The following TRMT6 variants were observed in gnomAD, a reference collection of about 807,000 sequenced individuals.
TRMT6 encodes the protein tRNA (adenine(58)-N(1))-methyltransferase non-catalytic subunit TRM6.
A neutral mutation model predicts 59.0 loss-of-function variants in TRMT6; 34 were observed. The ratio of observed to expected loss-of-function variants is 0.58; its 90% CI spans 0.44 to 0.77. The LOEUF is 0.77. Among genes scored for constraint, TRMT6 ranks in the 30% least tolerant of loss-of-function variants. The pLI, the probability that TRMT6 is intolerant of heterozygous loss-of-function variation, is 0.00. For missense variants in TRMT6, 575 were observed against 604.5 expected, an observed-to-expected ratio of 0.95 and a Z score of 0.51; for synonymous variants, 217 against 210.5, an observed-to-expected ratio of 1.03 and a Z score of -0.27.
chr20:5,947,061 G>C (rs117305768), intron 1 of TRMT6, among the ~76,000 whole-genome samples: 7 of 152,180 alleles, frequency 4.6e-5, no homozygotes, highest in South Asian at 4.1e-4. Context: ...CAGTGTGTGC[G>C]AGGTGTGATT....
Position 5,944,842 on chromosome 20 carries a change from T to A in TRMT6, c.329A>T (p.Asp110Val). The part of the protein sequence containing the change: ...DGKSQKLTQD[D>V]IKALKDKGIK... ...GCCCTTGTCCTTCAAAGCTTTTATG[T>A]CATCTTGAGTAAGTTTCTGAGATTT... Residue 110 changes from aspartate (D) to valine (V), a missense_variant, in exon 3 of 11, where the codon GAC (aspartate) becomes GTC (valine). Transcript: ENST00000203001. 1 of 1,614,058 alleles carries A rather than the reference T, an allele frequency of 6.2e-7. No individual in the cohort carries two copies. The highest frequency in any genetic ancestry group is 8.5e-7 in the Non-Finnish European group (1 of 1,179,914).
At chr20:5,948,597 T>G (rs1360045114) in intron 1 of TRMT6, among the ~76,000 whole-genome samples, 1 of 151,946 alleles carries the variant, frequency 6.6e-6, no homozygotes, top group East Asian at 1.9e-4. Flanking sequence ...CCCAGCACTT[T>G]GGGAGGCTGA....
rs1321698302 is a variant in TRMT6 at position 5,937,954 on chromosome 20, T to C, written c.*581A>G. 6.6e-6 allele frequency: 1 copy of C among 152,190 alleles called. No individual in the cohort carries two copies. Among genetic ancestry groups the C allele is most frequent in the Non-Finnish European group, 1.5e-5 (1 of 68,034 alleles). 9.4% of individuals were successfully genotyped at this position (152,190 alleles called of 1,614,324 possible). On this transcript the variant is annotated 3_prime_UTR_variant, in exon 11 of 11. Transcript: ENST00000203001. ...AAAAGTACCCTACTAAACCTTTCTA[T>C]GCACAAAAAAGAGCAGTAAAATAAA...
At position 5,938,638 on chromosome 20, in the gene TRMT6, A is replaced by T; in HGVS notation, c.1391T>A (p.Leu464His). The T allele has an allele frequency of 1.2e-6, 2 of 1,614,216 alleles. No individual in the cohort carries two copies. The highest frequency in any genetic ancestry group is 1.7e-6 in the Non-Finnish European group (2 of 1,180,034). The change falls in exon 11 of 11, where the codon CTT (leucine) becomes CAT (histidine). Residue 464 changes from leucine (L) to histidine (H), a missense_variant. Coordinates refer to ENST00000203001, the MANE Select transcript of TRMT6 (RefSeq NM_015939.5). Reference sequence around the variant, plus strand: ...AGATTTGAGGCTGGTGTCTGCTTTAAGGTTGTCCATGGCAACGGTGAAGCC... The same window carrying T: ...AGATTTGAGGCTGGTGTCTGCTTTATGGTTGTCCATGGCAACGGTGAAGCC... ...LSGFTVAMDN[L>H]KADTSLKSNA...
chr20:5,948,260 G>A (rs1297338971), intron 1 of TRMT6, among the ~76,000 whole-genome samples: 3 of 152,188 alleles, frequency 2.0e-5, no homozygotes, highest in African/African-American at 7.2e-5. Context: ...CACTGCCCCA[G>A]TCGGGAATGT....
intron 6 of TRMT6, among the ~76,000 whole-genome samples, chr20:5,943,098 G>A (rs546465180): frequency 2.4e-4 from 37 of 152,112 alleles, no homozygotes; most frequent in Non-Finnish European, 4.9e-4. Flanking sequence ...CCCTCACTCC[G>A]ATCCTCAAAT....
chr20:5,943,485 G>T (rs904065178), intron 6 of TRMT6, 74 bp downstream of exon 6: 1 of 1,580,664 alleles, frequency 6.3e-7, no homozygotes, highest in South Asian at 1.1e-5. Flanking sequence ...GGCTTTCCAT[G>T]AGTTTACATT....
intron 1 of TRMT6, among the ~76,000 whole-genome samples, chr20:5,948,085 A>C (rs1039846889): frequency 1.3e-5 from 2 of 151,998 alleles, no homozygotes; most frequent in African/African-American, 2.4e-5. Flanking sequence ...ACGCCACTAC[A>C]CTCTAGCCTG....
At position 5,944,047 on chromosome 20, in the gene TRMT6, A is replaced by C. The variant is rs778628493; in HGVS notation, c.459-16T>G. On this transcript the variant is annotated splice_polypyrimidine_tract_variant and intron_variant, in intron 4 of 10. Transcript: ENST00000203001. ...GGCTTCATATCTGGGGGAAGAAAAA[A>C]CAGAACGCTGATTTAAAAAAATGAC... 1.3e-6 allele frequency: 2 copies of C among 1,548,598 alleles called. No homozygotes were observed. The highest frequency in any genetic ancestry group is 1.7e-6 in the Non-Finnish European group (2 of 1,145,812).
rs750772336 is a variant in TRMT6 at position 5,941,969 on chromosome 20, C to G, written c.1094G>C (p.Ser365Thr). The G allele has an allele frequency of 1.9e-6, 3 of 1,613,490 alleles. No homozygotes were observed. The South Asian group carries it at 3.3e-5, about 18-fold the overall frequency. Residue 365 changes from serine (S) to threonine (T), a missense_variant, in exon 8 of 11, where the codon AGT becomes ACT. Ser to Thr is a moderately conservative substitution (Grantham distance 58, BLOSUM62 1). Coordinates refer to ENST00000203001, the MANE Select transcript of TRMT6 (RefSeq NM_015939.5). ...KRHLEAAALLSERNADGLIVA... is the reference protein window; with the variant it reads ...KRHLEAAALLTERNADGLIVA... ...AACGCACCCATCTGCGTTTCTTTCACTCAGCAGAGCGGCAGCCTCTAAATG... is the reference window on the plus strand; with the variant it reads ...AACGCACCCATCTGCGTTTCTTTCAGTCAGCAGAGCGGCAGCCTCTAAATG...
At chr20:5,942,846 T>A in intron 6 of TRMT6, 60 bp from the exon 7 acceptor site, 1 of 1,281,176 alleles carries the variant, frequency 7.8e-7, no homozygotes, top group Non-Finnish European at 1.1e-6. Context: ...ACGTAAACCC[T>A]CAGTGAGTCC....
intron 1 of TRMT6, among the ~76,000 whole-genome samples, chr20:5,949,103 AG>A (rs1365053530): frequency 2.0e-5 from 3 of 152,084 alleles, no homozygotes; most frequent in African/African-American, 7.3e-5. Flanking sequence ...CTGTAATCCC[AG>A]CACTTTGGGA....
chr20:5,947,060 C>T (rs897767595), intron 1 of TRMT6, among the ~76,000 whole-genome samples: 1 of 152,168 alleles, frequency 6.6e-6, no homozygotes, highest in African/African-American at 2.4e-5. Context: ...GCAGTGTGTG[C>T]GAGGTGTGAT....
At chr20:5,939,459 G>A (rs931803419) in intron 10 of TRMT6, among the ~76,000 whole-genome samples, 30 of 148,496 alleles carry the variant, frequency 2.0e-4, no homozygotes, top group Non-Finnish European at 4.0e-4. Flanking sequence ...CCACCTGGGC[G>A]ACAGAGCGAG....
chr20:5,943,001 C>T (rs1440045253), intron 6 of TRMT6, among the ~76,000 whole-genome samples: 1 of 152,140 alleles, frequency 6.6e-6, no homozygotes, highest in Non-Finnish European at 1.5e-5. Flanking sequence ...CAGGAAGACT[C>T]AAAGAAGCTT....
Position 5,948,477 on chromosome 20 carries a change from G to A in TRMT6, c.128+1801C>T, listed in dbSNP as rs115844882. ...TGGAAACTGCCACTATGACTTCTGC[G>A]AAGAAGAGGGCCTGTTGAAAAGTAT... On this transcript the variant is annotated intron_variant, in intron 1 of 10. Coordinates refer to ENST00000203001, the MANE Select transcript of TRMT6 (RefSeq NM_015939.5). Among the ~76,000 whole-genome samples, 1,062 of 152,252 alleles carry A rather than the reference G, an allele frequency of 7.0e-3. 15 individuals are homozygous for A. Among genetic ancestry groups the A allele is most frequent in the African/African-American group, 0.024 (1,009 of 41,562 alleles).
chr20:5,947,022 C>T (rs1201204248), intron 1 of TRMT6, among the ~76,000 whole-genome samples: 1 of 152,174 alleles, frequency 6.6e-6, no homozygotes, highest in East Asian at 1.9e-4. Context: ...AGAAAACTAA[C>T]ATCTGCTGAG....
intron 7 of TRMT6, 103 bp from the exon 8 acceptor site, chr20:5,942,139 G>T: frequency 9.4e-7 from 1 of 1,065,910 alleles, no homozygotes; most frequent in Non-Finnish European, 1.4e-6. Flanking sequence ...TATCAACTTG[G>T]ACTAAACCAA....
rs929636242 is a variant in TRMT6, at chr20:5,942,777, G to C, written c.677C>G (p.Ser226Cys). Residue 226 changes from serine (S) to cysteine (C), a missense_variant, in exon 7 of 11, where the codon TCC becomes TGC. Transcript: ENST00000203001. ...TCCTCCAGGGTATAGCTGAATAATG[G>C]AGCCAAAACCTGAACAGATAAAAGA... ...AMMERMGGFG[S>C]IIQLYPGGGP... is the part of the protein sequence containing the mutation. The C allele has an allele frequency of 6.2e-7, 1 of 1,612,606 alleles. No homozygotes were observed.
Sources: allele counts gnomAD v4.1 joint callset (sites outside exome capture counted in the v4.1 genomes callset), GRCh38; gene constraint gnomAD v4.1.1; transcripts MANE v1.5; gene names NCBI Gene and HGNC (gene_info 2026-07-23, HGNC 2026-07-21).